The following SLC22A24 variants were observed in gnomAD, a reference collection of about 807,000 sequenced individuals.
The protein encoded by SLC22A24 is steroid transmembrane transporter SLC22A24.
Under a neutral mutation model 49.8 loss-of-function variants are expected in SLC22A24, and 53 were observed. That is an observed-to-expected ratio of 1.06 (90% CI 0.85 to 1.34). SLC22A24 has a LOEUF of 1.34. SLC22A24 is among the 40% of genes most tolerant of loss of function. The probability of loss-of-function intolerance (pLI) is 0.00; values close to 1 mark genes in which losing one functional copy is unlikely to be tolerated. For missense variants in SLC22A24, 786 were observed against 675.9 expected, an observed-to-expected ratio of 1.16 and a Z score of -1.81; for synonymous variants, 302 against 256.4, an observed-to-expected ratio of 1.18 and a Z score of -1.70.
At chr11:63,118,820 C>T in intron 4 of SLC22A24, 92 bp downstream of exon 4, 2 of 1,355,952 alleles carry the variant, frequency 1.5e-6, no homozygotes, top group Non-Finnish European at 1.0e-6. Context: ...AGGACTAGGC[C>T]AGAGACCGAA....
At chr11:63,093,738 T>A (rs1335964588) in intron 6 of SLC22A24, among the ~76,000 whole-genome samples, 1 of 151,918 alleles carries the variant, frequency 6.6e-6, no homozygotes, top group Non-Finnish European at 1.5e-5. Context: ...AAATAACTAA[T>A]GGGTATTAGG....
At chr11:63,086,746 G>A (rs2086988727) in intron 6 of SLC22A24, among the ~76,000 whole-genome samples, 2 of 152,018 alleles carry the variant, frequency 1.3e-5, no homozygotes, top group African/African-American at 4.8e-5. Flanking sequence ...GACTAATTTA[G>A]AATAAAAATA....
intron 5 of SLC22A24, among the ~76,000 whole-genome samples, chr11:63,102,469 C>A (rs1455978601): frequency 1.3e-5 from 2 of 152,118 alleles, no homozygotes; most frequent in Non-Finnish European, 2.9e-5. Flanking sequence ...TAGAATAGAG[C>A]TTATCTCAAA....
chr11:63,140,433 C>T (rs192070810), intron 1 of SLC22A24, among the ~76,000 whole-genome samples: 17 of 152,210 alleles, frequency 1.1e-4, no homozygotes, highest in Non-Finnish European at 2.1e-4. Context: ...AAAATATAGA[C>T]ATTTGGTCTA....
intron 2 of SLC22A24, among the ~76,000 whole-genome samples, chr11:63,133,762 C>A (rs1447812303): frequency 2.0e-5 from 3 of 152,170 alleles, no homozygotes; most frequent in Admixed American, 2.0e-4. Context: ...ACACCTCAGC[C>A]TCCTGAATAG....
chr11:63,101,651 C>CCACAATAGCCACAAT (rs1203194093), intron 5 of SLC22A24, among the ~76,000 whole-genome samples: 1 of 151,976 alleles, frequency 6.6e-6, no homozygotes. Flanking sequence ...ATGTTTATTG[C>CCACAATAGCCACAAT]AGCAACATTC....
intron 4 of SLC22A24, among the ~76,000 whole-genome samples, chr11:63,112,300 G>A (rs550049820): frequency 2.6e-5 from 4 of 152,316 alleles, no homozygotes; most frequent in Admixed American, 2.6e-4. Flanking sequence ...TAAGTGTGGT[G>A]TAGTGCTGAA....
chr11:63,101,585 A>G (rs2087091310), intron 5 of SLC22A24, among the ~76,000 whole-genome samples: 10 of 152,062 alleles, frequency 6.6e-5, no homozygotes, highest in Admixed American at 6.6e-4. Flanking sequence ...CAATGTTACT[A>G]CTTGGTTTTT....
chr11:63,093,967 T>A (rs751644196), intron 6 of SLC22A24, among the ~76,000 whole-genome samples: 1 of 116,598 alleles, frequency 8.6e-6, no homozygotes, highest in Non-Finnish European at 1.8e-5. Flanking sequence ...ACAACCAAAA[T>A]TCTTTTTTTC....
intron 4 of SLC22A24, 60 bp from the exon 5 acceptor site, chr11:63,104,358 A>G (rs2087108117): frequency 6.8e-7 from 1 of 1,472,014 alleles, no homozygotes; most frequent in African/African-American, 1.4e-5. Context: ...CTTAACCTTT[A>G]ACATGAAATT....
chr11:63,138,251 T>C (rs2087389149), intron 1 of SLC22A24, among the ~76,000 whole-genome samples: 3 of 152,186 alleles, frequency 2.0e-5, no homozygotes, highest in South Asian at 2.1e-4. Context: ...AGGGATTCTT[T>C]CTTTTTGTTT....
At chr11:63,131,293 A>G (rs922039877) in intron 2 of SLC22A24, among the ~76,000 whole-genome samples, 3 of 151,920 alleles carry the variant, frequency 2.0e-5, no homozygotes, top group African/African-American at 7.3e-5. Context: ...GGTTAATATT[A>G]TTATGTTTGA....
At chr11:63,122,337 A>T (rs567101951) in intron 2 of SLC22A24, among the ~76,000 whole-genome samples, 41 of 152,292 alleles carry the variant, frequency 2.7e-4, no homozygotes, top group Non-Finnish European at 5.0e-4. Flanking sequence ...TGTCTGAAAG[A>T]TGGGTGCCCT....
intron 2 of SLC22A24, among the ~76,000 whole-genome samples, chr11:63,131,745 C>A (rs1357238891): frequency 6.6e-6 from 1 of 152,050 alleles, no homozygotes; most frequent in African/African-American, 2.4e-5. Context: ...GTGAATCTGA[C>A]AATTACATGT....
intron 1 of SLC22A24, among the ~76,000 whole-genome samples, chr11:63,138,917 A>G (rs1051976647): frequency 6.6e-6 from 1 of 152,092 alleles, no homozygotes; most frequent in African/African-American, 2.4e-5. Flanking sequence ...GAGATTCTAA[A>G]TCTTGTAAAA....
At chr11:63,108,262 C>A (rs1022560977) in intron 4 of SLC22A24, among the ~76,000 whole-genome samples, 2 of 152,122 alleles carry the variant, frequency 1.3e-5, no homozygotes, top group Non-Finnish European at 2.9e-5. Context: ...GCCGAACCAG[C>A]CTTGCATCCC....
chr11:63,127,662 A>G (rs1225563212), intron 2 of SLC22A24, among the ~76,000 whole-genome samples: 1 of 152,068 alleles, frequency 6.6e-6, no homozygotes, highest in African/African-American at 2.4e-5. Context: ...CTTTTTAATC[A>G]CTGCCATTCT....
chr11:63,112,326 G>T (rs2087171790), intron 4 of SLC22A24, among the ~76,000 whole-genome samples: 1 of 152,182 alleles, frequency 6.6e-6, no homozygotes, highest in Non-Finnish European at 1.5e-5. Flanking sequence ...TGTATATCCT[G>T]TTGATTTGGG....
At chr11:63,081,460 C>A in intron 8 of SLC22A24, 98 bp downstream of exon 8, 1 of 829,274 alleles carries the variant, frequency 1.2e-6, no homozygotes, top group Non-Finnish European at 2.0e-6. Context: ...ACAGTTAATT[C>A]ATCTGGCACC....
Sources: allele counts gnomAD v4.1 joint callset (sites outside exome capture counted in the v4.1 genomes callset), GRCh38; gene constraint gnomAD v4.1.1; transcripts MANE v1.5; gene names NCBI Gene and HGNC (gene_info 2026-07-23, HGNC 2026-07-21).